The following BLTP1 variants were observed in gnomAD, a reference collection of about 807,000 sequenced individuals.
BLTP1 encodes the protein fragile site-associated protein.
the BLTP1 span, chr4:122,186,952 A>C: frequency 4.3e-6 from 4 of 922,568 alleles, no homozygotes; most frequent in African/African-American, 7.1e-5. Context: ...ATTAAGGGAA[A>C]ATTAATTTGG....
At chr4:122,200,781 C>A in the BLTP1 span, 1 of 906,000 alleles carries the variant, frequency 1.1e-6, no homozygotes, top group Non-Finnish European at 1.3e-6. Context: ...ATTTGTTGTT[C>A]TGAAAGTTTT....
At chr4:122,160,809 G>C in the BLTP1 span, among the ~76,000 whole-genome samples, 1 of 152,056 alleles carries the variant, frequency 6.6e-6, no homozygotes, top group South Asian at 2.1e-4. Context: ...TGAGATATTT[G>C]GATCAATTAC....
chr4:122,277,333 C>A, the BLTP1 span, among the ~76,000 whole-genome samples: 4 of 152,064 alleles, frequency 2.6e-5, no homozygotes, highest in Admixed American at 6.6e-5. Flanking sequence ...AACGAGACCC[C>A]ATCTTAAAAA....
the BLTP1 span, chr4:122,347,282 G>A: frequency 8.3e-6 from 8 of 966,584 alleles, no homozygotes; most frequent in African/African-American, 1.2e-4. Flanking sequence ...CCCTAAGTCT[G>A]AGTGTATTCC....
the BLTP1 span, among the ~76,000 whole-genome samples, chr4:122,354,669 C>CT: frequency 0.03 from 4,029 of 135,028 alleles, 136 homozygotes; most frequent in African/African-American, 0.087. Flanking sequence ...TTTTTCTTTT[C>CT]TTTTTTTTTT....
At chr4:122,187,904 G>T in the BLTP1 span, 5 of 1,578,154 alleles carry the variant, frequency 3.2e-6, no homozygotes, top group South Asian at 1.2e-5. Context: ...GGGACGTTTG[G>T]CCTTTGGAAA....
At chr4:122,211,716 A>G in the BLTP1 span, among the ~76,000 whole-genome samples, 1 of 152,172 alleles carries the variant, frequency 6.6e-6, no homozygotes, top group Admixed American at 6.6e-5. Context: ...ATTGCACAGT[A>G]TGACAGCACT....
chr4:122,229,975 G>A, the BLTP1 span: 76 of 1,613,860 alleles, frequency 4.7e-5, 3 homozygotes, highest in South Asian at 6.9e-4. Context: ...ACAATCAATC[G>A]GTTGGGGAAG....
At chr4:122,336,681 T>C in the BLTP1 span, 3 of 971,132 alleles carry the variant, frequency 3.1e-6, no homozygotes, top group African/African-American at 3.5e-5. Context: ...CAGTGTTTGG[T>C]ATAGCAGCAG....
the BLTP1 span, chr4:122,328,560 T>C: frequency 1.4e-6 from 1 of 716,312 alleles, no homozygotes; most frequent in Non-Finnish European, 1.7e-6. Context: ...TAACATTATT[T>C]TTTAAATTTA....
At chr4:122,273,217 A>C in the BLTP1 span, 1 of 962,360 alleles carries the variant, frequency 1.0e-6, no homozygotes, top group African/African-American at 1.8e-5. Flanking sequence ...TGTAAGGTCT[A>C]ATCAAAACTT....
the BLTP1 span, among the ~76,000 whole-genome samples, chr4:122,181,983 A>C: frequency 1.3e-5 from 2 of 152,188 alleles, no homozygotes; most frequent in African/African-American, 4.8e-5. Context: ...CATCGCTATA[A>C]AATAGAGGTG....
the BLTP1 span, chr4:122,356,020 A>G: frequency 6.5e-7 from 1 of 1,532,708 alleles, no homozygotes; most frequent in Admixed American, 1.8e-5. Flanking sequence ...AAAGTTAATA[A>G]GAAAATTCTA....
At chr4:122,324,447 G>A in the BLTP1 span, 589 of 1,610,010 alleles carry the variant, frequency 3.7e-4, no homozygotes, top group Non-Finnish European at 4.7e-4. Context: ...TAAAGGATAA[G>A]TGGGGTTTGA....
the BLTP1 span, among the ~76,000 whole-genome samples, chr4:122,206,507 C>T: frequency 6.6e-6 from 1 of 151,820 alleles, no homozygotes; most frequent in Non-Finnish European, 1.5e-5. Context: ...AGCAATTCCA[C>T]TTCTAGAATC....
chr4:122,227,071 G>T, the BLTP1 span: 1 of 529,158 alleles, frequency 1.9e-6, no homozygotes, highest in Non-Finnish European at 2.7e-6. Context: ...ATTATATTTT[G>T]CTTACATTTT....
the BLTP1 span, among the ~76,000 whole-genome samples, chr4:122,180,517 A>G: frequency 6.6e-6 from 1 of 152,182 alleles, no homozygotes; most frequent in Admixed American, 6.5e-5. Flanking sequence ...CAACAACTCT[A>G]GTGATTGGAG....
At chr4:122,250,634 A>C in the BLTP1 span, 1 of 1,495,442 alleles carries the variant, frequency 6.7e-7, no homozygotes, top group Non-Finnish European at 9.2e-7. Context: ...AGAAAACTAC[A>C]TATGCAATTC....
the BLTP1 span, chr4:122,184,525 T>A: frequency 1.7e-4 from 28 of 166,546 alleles, no homozygotes; most frequent in Non-Finnish European, 2.5e-5. Context: ...TGTAATCCCA[T>A]CTCACTGGGA....
Sources: allele counts gnomAD v4.1 joint callset (sites outside exome capture counted in the v4.1 genomes callset), GRCh38; gene constraint gnomAD v4.1.1; transcripts MANE v1.5; gene names NCBI Gene and HGNC (gene_info 2026-07-23, HGNC 2026-07-21).